Variants in PCCA observed in about 807,000 individuals in gnomAD.
PCCA encodes propionyl-CoA carboxylase subunit alpha, also known as propionyl-CoA carboxylase alpha chain, mitochondrial.
Under a neutral mutation model 101.3 loss-of-function variants are expected in PCCA, and 74 were observed. The ratio of observed to expected loss-of-function variants is 0.73; its 90% confidence interval spans 0.61 to 0.89. The LOEUF (loss-of-function observed/expected upper bound fraction) is 0.89. PCCA is among the 40% of genes least tolerant of loss of function. PCCA has a pLI of 0.00. For missense variants in PCCA, 891 were observed against 907.0 expected, an observed-to-expected ratio of 0.98 and a Z score of 0.23; for synonymous variants, 294 against 313.6, an observed-to-expected ratio of 0.94 and a Z score of 0.66.
chr13:100,501,971 A>G (rs901574273), intron 21 of PCCA, among the ~76,000 whole-genome samples: 2 of 152,098 alleles, frequency 1.3e-5, no homozygotes, highest in Non-Finnish European at 2.9e-5. Flanking sequence ...CTAGCCCTCC[A>G]GGCAAGTTTT....
intron 19 of PCCA, among the ~76,000 whole-genome samples, chr13:100,397,502 A>G (rs1227529499): frequency 6.6e-6 from 1 of 152,198 alleles, no homozygotes; most frequent in Non-Finnish European, 1.5e-5. Context: ...AAAAAAACCC[A>G]AAGAGCGTTC....
At chr13:100,492,255 C>T (rs1181163629) in intron 21 of PCCA, among the ~76,000 whole-genome samples, 1 of 152,126 alleles carries the variant, frequency 6.6e-6, no homozygotes, top group Admixed American at 6.5e-5. Context: ...CTGCCCCTGC[C>T]TCCCGAGTAG....
chr13:100,137,804 C>CT (rs34819598), intron 4 of PCCA, among the ~76,000 whole-genome samples: 50,888 of 144,308 alleles, frequency 0.35, 9,877 homozygotes, highest in East Asian at 0.7. Context: ...ATGTTTAAGT[C>CT]TTTTTTTTTT....
chr13:100,093,463 T>C (rs920770060), intron 1 of PCCA, among the ~76,000 whole-genome samples: 1 of 152,228 alleles, frequency 6.6e-6, no homozygotes, highest in African/African-American at 2.4e-5. Flanking sequence ...GTAGTTAGCA[T>C]TCATTCATTC....
At chr13:100,463,142 G>C (rs1231315759) in intron 21 of PCCA, among the ~76,000 whole-genome samples, 1 of 152,142 alleles carries the variant, frequency 6.6e-6, no homozygotes, top group East Asian at 1.9e-4. Flanking sequence ...GTTTAAGGAA[G>C]AGCAGATTGG....
chr13:100,242,699 T>G (rs2061214987), intron 8 of PCCA, among the ~76,000 whole-genome samples: 1 of 152,138 alleles, frequency 6.6e-6, no homozygotes, highest in African/African-American at 2.4e-5. Context: ...TCTCATAAAG[T>G]GTTGCCCATG....
chr13:100,256,149 G>C lies in PCCA; in HGVS notation c.638-1446G>C, dbSNP rs1332951648. On this transcript the variant is annotated intron_variant, in intron 8 of 23. Coordinates refer to ENST00000376285, the MANE Select transcript of PCCA (RefSeq NM_000282.4). ...CAGCCTCTGAGTAGCTGGGACTACAGACGCACACCACCACACCCAGCTAAG... is the reference window on the plus strand; with the variant it reads ...CAGCCTCTGAGTAGCTGGGACTACACACGCACACCACCACACCCAGCTAAG... Among the ~76,000 whole-genome samples the C allele has an allele frequency of 5.3e-5, 8 of 152,234 alleles. No homozygotes were observed. In the East Asian group the frequency reaches 1.5e-3, roughly 29 times the overall value.
At position 100,335,739 on chromosome 13, in the gene PCCA, T is replaced by C. The variant is rs373980274; in HGVS notation, c.1541-4418T>C. Among the ~76,000 whole-genome samples, 149 of 152,300 alleles carry C rather than the reference T, an allele frequency of 9.8e-4. 4 individuals carry two copies. The South Asian group carries it at 0.028, about 29-fold the overall frequency. ...GTGGTGACACTCTCTGCCCCAGCTT[T>C]GTTCCTCAGTTGGTTCCCAGGGGAC... is the stretch of plus-strand genomic sequence containing the variant. On this transcript the variant is annotated intron_variant, in intron 17 of 23. Transcript: ENST00000376285.
intron 2 of PCCA, among the ~76,000 whole-genome samples, chr13:100,106,066 T>G (rs2047766825): frequency 1.3e-5 from 2 of 152,130 alleles, no homozygotes; most frequent in Admixed American, 1.3e-4. Flanking sequence ...TGAATAGTTC[T>G]GTGTTCAGCC....
chr13:100,224,679 C>G (rs1050079428), intron 7 of PCCA, among the ~76,000 whole-genome samples: 3 of 152,230 alleles, frequency 2.0e-5, no homozygotes, highest in African/African-American at 7.2e-5. Flanking sequence ...GGGGCCTATG[C>G]ATATAGGATG....
At position 100,141,741 on chromosome 13, in the gene PCCA, T is replaced by C. The variant is rs542295360; in HGVS notation, c.301-13238T>C. Among the ~76,000 whole-genome samples, 19 of 152,262 alleles carry C rather than the reference T, an allele frequency of 1.2e-4. 1 individual carries two copies. In the East Asian group the frequency reaches 3.7e-3, roughly 29 times the overall value. On this transcript the variant is annotated intron_variant, in intron 4 of 23. Transcript: ENST00000376285. Reference sequence around the variant, plus strand: ...ATTACTCTTAATTGCAGTTGGTGTATAAGTCTTTCATACCAGACCAAACTC... The same window carrying C: ...ATTACTCTTAATTGCAGTTGGTGTACAAGTCTTTCATACCAGACCAAACTC...
At chr13:100,089,300 C>T in intron 1 of PCCA, 75 bp downstream of exon 1, 1 of 1,340,518 alleles carries the variant, frequency 7.5e-7, no homozygotes, top group East Asian at 3.0e-5. Context: ...CGGCTGGCGC[C>T]GGGAGAGCGC....
chr13:100,393,706 C>T (rs905481093), intron 19 of PCCA, among the ~76,000 whole-genome samples: 6 of 152,020 alleles, frequency 3.9e-5, no homozygotes, highest in East Asian at 1.9e-4. Context: ...CATGAGTTAC[C>T]GGACCCTGCC....
chr13:100,516,768 G>A, intron 22 of PCCA, among the ~76,000 whole-genome samples: 1 of 84,312 alleles, frequency 1.2e-5, no homozygotes, highest in East Asian at 2.7e-4. Flanking sequence ...TGTAATGTGT[G>A]TAAAATTCAG....
At chr13:100,243,771 G>T in intron 8 of PCCA, among the ~76,000 whole-genome samples, 1 of 152,138 alleles carries the variant, frequency 6.6e-6, no homozygotes, top group East Asian at 1.9e-4. Flanking sequence ...TAGTGTGTCT[G>T]CCCTGTCTCT....
intron 8 of PCCA, among the ~76,000 whole-genome samples, chr13:100,244,929 C>CCG (rs2061348043): frequency 7.1e-6 from 1 of 141,610 alleles, no homozygotes; most frequent in Admixed American, 7.1e-5. Context: ...TGAGGAAAGG[C>CCG]TGTGTGTGTG....
At chr13:100,094,264 A>C (rs1226578291) in intron 1 of PCCA, among the ~76,000 whole-genome samples, 2 of 151,558 alleles carry the variant, frequency 1.3e-5, no homozygotes, top group Admixed American at 6.6e-5. Flanking sequence ...TGGTGAAAGA[A>C]TTTGAAAAGA....
intron 20 of PCCA, among the ~76,000 whole-genome samples, chr13:100,442,209 G>C (rs1595912810): frequency 6.6e-6 from 1 of 152,014 alleles, no homozygotes; most frequent in African/African-American, 2.4e-5. Flanking sequence ...GGCCAGGCTG[G>C]CCTCAAACTC....
chr13:100,352,115 TATGAC>T (rs2073338709), intron 18 of PCCA, among the ~76,000 whole-genome samples: 1 of 152,154 alleles, frequency 6.6e-6, no homozygotes, highest in Non-Finnish European at 1.5e-5. Context: ...AGAAAAAAGA[TATGAC>T]ATATAGAAAG....
Sources: gnomAD v4.1 joint callset for allele counts (sites outside exome capture counted in the v4.1 genomes callset) on GRCh38, gnomAD v4.1.1 for gene constraint, MANE v1.5 for transcripts, NCBI Gene and HGNC (gene_info 2026-07-23, HGNC 2026-07-21) for gene names.